Variants in SMYD3 observed in about 807,000 individuals in gnomAD.
SMYD3 encodes the protein histone-lysine N-methyltransferase SMYD3.
In SMYD3, 36 loss-of-function variants were observed where a neutral mutation model predicts 57.7. The observed-to-expected ratio is 0.62, with a 90% CI of 0.48 to 0.82. SMYD3 has a LOEUF of 0.82. Among genes scored for constraint, SMYD3 ranks in the 40% least tolerant of loss-of-function variants. SMYD3 has a pLI of 0.00. For missense variants in SMYD3, 515 were observed against 538.8 expected, an observed-to-expected ratio of 0.96 and a Z score of 0.44; for synonymous variants, 211 against 195.0, an observed-to-expected ratio of 1.08 and a Z score of -0.68.
chr1:245,857,058 T>C (rs925173706), intron 10 of SMYD3, among the ~76,000 whole-genome samples: 2 of 152,186 alleles, frequency 1.3e-5, no homozygotes, highest in South Asian at 4.1e-4. Flanking sequence ...GAGCAGGCAT[T>C]TCACTGCTCA....
chr1:246,316,805 C>A (rs1407424323), intron 5 of SMYD3, among the ~76,000 whole-genome samples: 1 of 150,848 alleles, frequency 6.6e-6, no homozygotes, highest in African/African-American at 2.4e-5. Context: ...ACCATCCTGG[C>A]CAACATGGTG....
chr1:246,465,802 T>G (rs1487549633), intron 1 of SMYD3, among the ~76,000 whole-genome samples: 1 of 152,264 alleles, frequency 6.6e-6, no homozygotes. Flanking sequence ...AAACAGAGTC[T>G]CACTTTGTTG....
intron 1 of SMYD3, among the ~76,000 whole-genome samples, chr1:246,442,745 A>G (rs1014337158): frequency 1.3e-5 from 2 of 152,184 alleles, no homozygotes; most frequent in Non-Finnish European, 1.5e-5. Context: ...AGGTTTATGA[A>G]TAAGTGAAGC....
intron 5 of SMYD3, among the ~76,000 whole-genome samples, chr1:246,261,619 A>T (rs1231763015): frequency 1.3e-5 from 2 of 152,020 alleles, no homozygotes; most frequent in Non-Finnish European, 2.9e-5. Flanking sequence ...AAAGCTCAAG[A>T]CACATTACTA....
chr1:246,107,241 T>G (rs4654201), intron 5 of SMYD3, among the ~76,000 whole-genome samples: 1 of 150,726 alleles, frequency 6.6e-6, no homozygotes, highest in East Asian at 1.9e-4. Flanking sequence ...GAGCCGAGAT[T>G]GCGCCACTGC....
At chr1:246,407,618 G>C (rs942969243) in intron 1 of SMYD3, among the ~76,000 whole-genome samples, 1 of 152,096 alleles carries the variant, frequency 6.6e-6, no homozygotes, top group African/African-American at 2.4e-5. Flanking sequence ...GAGGCGGGTG[G>C]ATCACCTGAG....
intron 1 of SMYD3, among the ~76,000 whole-genome samples, chr1:246,457,678 T>G (rs2067724919): frequency 6.6e-6 from 1 of 152,142 alleles, no homozygotes; most frequent in African/African-American, 2.4e-5. Flanking sequence ...ACATAATCAA[T>G]ACTACATTCA....
Position 246,075,082 on chromosome 1 carries a change from T to C in SMYD3, c.532-145145A>G, listed in dbSNP as rs150881596. Among the ~76,000 whole-genome samples, 8 of 151,976 alleles carry C rather than the reference T, an allele frequency of 5.3e-5. No homozygotes were observed. In the East Asian group the frequency reaches 1.4e-3, roughly 26 times the overall value. ...TCTCAAGAAAAAAAAATTCAATCAATGAAAACCAACCCAAAATGGCCCAAC... is the reference window on the plus strand; with the variant it reads ...TCTCAAGAAAAAAAAATTCAATCAACGAAAACCAACCCAAAATGGCCCAAC... On this transcript the variant is annotated intron_variant, in intron 5 of 11. Transcript: ENST00000490107.
intron 5 of SMYD3, among the ~76,000 whole-genome samples, chr1:246,140,675 C>T (rs56773670): frequency 0.032 from 4,926 of 152,238 alleles, 277 homozygotes; most frequent in African/African-American, 0.11. Flanking sequence ...TACAGTGGCA[C>T]AATCACAGCT....
intron 10 of SMYD3, among the ~76,000 whole-genome samples, chr1:245,835,484 C>A (rs1485979112): frequency 6.6e-6 from 1 of 152,166 alleles, no homozygotes; most frequent in African/African-American, 2.4e-5. Context: ...GATAAAAATA[C>A]ATACTTGACA....
At chr1:246,156,340 A>C (rs2062023097) in intron 5 of SMYD3, among the ~76,000 whole-genome samples, 1 of 152,122 alleles carries the variant, frequency 6.6e-6, no homozygotes, top group Non-Finnish European at 1.5e-5. Flanking sequence ...GGCAGAGACA[A>C]GCAATTTACC....
At chr1:246,016,989 A>C (rs963692700) in intron 5 of SMYD3, among the ~76,000 whole-genome samples, 1 of 152,074 alleles carries the variant, frequency 6.6e-6, no homozygotes, top group Admixed American at 6.6e-5. Flanking sequence ...ACAGTTATCA[A>C]TGAAACTGTT....
At chr1:246,205,204 C>G (rs2062979585) in intron 5 of SMYD3, among the ~76,000 whole-genome samples, 1 of 152,170 alleles carries the variant, frequency 6.6e-6, no homozygotes, top group African/African-American at 2.4e-5. Flanking sequence ...CTAGGGTGGT[C>G]CTTACAAGGA....
In SMYD3 at chr1:246,257,319, T is replaced by C. The variant is rs376979441; in HGVS notation, c.531+69882A>G. ...CTTTTCCTAGGTCTTGTTTTATCAA[T>C]GTGGCTACTCCAATATTGGGTACAT... On this transcript the variant is annotated intron_variant, in intron 5 of 11. Coordinates refer to ENST00000490107, the MANE Select transcript of SMYD3 (RefSeq NM_001167740.2). 9.8e-4 allele frequency among the ~76,000 whole-genome samples: 150 copies of C among 152,356 alleles called. 2 individuals carry two copies. In the South Asian group the frequency reaches 0.027, roughly 27 times the overall value.
intron 5 of SMYD3, among the ~76,000 whole-genome samples, chr1:246,151,576 T>C (rs190265650): frequency 4.6e-4 from 70 of 152,324 alleles, no homozygotes; most frequent in Admixed American, 3.9e-3. Context: ...ACCTAGCCTA[T>C]AGTGTCACAT....
At chr1:246,352,201 C>A (rs1291896384) in intron 2 of SMYD3, among the ~76,000 whole-genome samples, 2 of 150,242 alleles carry the variant, frequency 1.3e-5, no homozygotes, top group African/African-American at 2.4e-5. Flanking sequence ...AGCACTGACA[C>A]CATCCTGTGG....
At chr1:245,815,991 T>C (rs1338896479) in intron 10 of SMYD3, among the ~76,000 whole-genome samples, 1 of 152,162 alleles carries the variant, frequency 6.6e-6, no homozygotes, top group African/African-American at 2.4e-5. Flanking sequence ...AGTAGGTAAG[T>C]TGCGGCATGC....
intron 1 of SMYD3, among the ~76,000 whole-genome samples, chr1:246,458,357 TATC>T (rs1457831970): frequency 6.6e-6 from 1 of 151,724 alleles, no homozygotes; most frequent in African/African-American, 2.4e-5. Flanking sequence ...TCTGAAGTGA[TATC>T]ATCAACATAG....
At chr1:246,334,061 T>TAAAAAAAAAAAATAA (rs60323903) in intron 3 of SMYD3, among the ~76,000 whole-genome samples, 1 of 148,232 alleles carries the variant, frequency 6.7e-6, no homozygotes, top group Non-Finnish European at 1.5e-5. Flanking sequence ...TATTATTAAA[T>TAAAAAAAAAAAATAA]AAAAAAAAAA....
Sources: allele counts gnomAD v4.1 joint callset (sites outside exome capture counted in the v4.1 genomes callset), GRCh38; gene constraint gnomAD v4.1.1; transcripts MANE v1.5; gene names NCBI Gene and HGNC (gene_info 2026-07-23, HGNC 2026-07-21).